LRRC4C: variants seen among roughly 807,000 people sequenced by gnomAD.
The protein encoded by LRRC4C is leucine rich repeat containing 4C.
LRRC4C carries 5 observed loss-of-function variants against 33.6 expected under a neutral mutation model. That is an observed-to-expected ratio of 0.15 (90% CI 0.08 to 0.31). The LOEUF is 0.31. Among genes scored for constraint, LRRC4C ranks in the 10% least tolerant of loss-of-function variants. The probability of loss-of-function intolerance (pLI) is 1.00; values close to 1 mark genes in which losing one functional copy is unlikely to be tolerated. For missense variants in LRRC4C, 560 were observed against 796.7 expected (o/e 0.70, Z 3.58); for synonymous variants, 329 against 302.0 (o/e 1.09, Z -0.93).
At chr11:40,740,419 T>C (rs754408227) in intron 2 of LRRC4C, among the ~76,000 whole-genome samples, 26 of 152,062 alleles carry the variant, frequency 1.7e-4, no homozygotes, top group Non-Finnish European at 3.4e-4. Context: ...GAATTTTTAA[T>C]ATGTCTGCTG....
intron 2 of LRRC4C, among the ~76,000 whole-genome samples, chr11:40,867,721 T>C (rs1490468891): frequency 6.6e-6 from 1 of 152,176 alleles, no homozygotes; most frequent in South Asian, 2.1e-4. Context: ...AAGACGGAAA[T>C]GACAACAGCT....
chr11:40,846,868 C>T (rs1953203985), intron 2 of LRRC4C, among the ~76,000 whole-genome samples: 2 of 151,872 alleles, frequency 1.3e-5, no homozygotes, highest in South Asian at 4.2e-4. Context: ...TGAAGAGGCC[C>T]TTCACATCTC....
At chr11:40,118,715 G>A (rs980307270) in intron 6 of LRRC4C, among the ~76,000 whole-genome samples, 1 of 152,218 alleles carries the variant, frequency 6.6e-6, no homozygotes, top group Admixed American at 6.5e-5. Context: ...AGAATGGAAG[G>A]CCTGAGGACG....
intron 3 of LRRC4C, among the ~76,000 whole-genome samples, chr11:40,428,471 G>A (rs376954603): frequency 6.6e-6 from 1 of 152,106 alleles, no homozygotes; most frequent in African/African-American, 2.4e-5. Context: ...AATAACTTAC[G>A]AGTGATGGTA....
At chr11:40,393,353 A>C (rs1327182534) in intron 3 of LRRC4C, among the ~76,000 whole-genome samples, 1 of 152,174 alleles carries the variant, frequency 6.6e-6, no homozygotes, top group Admixed American at 6.6e-5. Flanking sequence ...TTTTGCTTTA[A>C]AATATCCAGG....
At chr11:40,503,837 T>C (rs1954900873) in intron 3 of LRRC4C, among the ~76,000 whole-genome samples, 1 of 152,214 alleles carries the variant, frequency 6.6e-6, no homozygotes, top group Non-Finnish European at 1.5e-5. Context: ...GATATACAAA[T>C]GTTGGCTTTT....
At chr11:41,357,563 G>A (rs546644507) in intron 1 of LRRC4C, among the ~76,000 whole-genome samples, 2 of 152,062 alleles carry the variant, frequency 1.3e-5, no homozygotes, top group South Asian at 2.1e-4. Flanking sequence ...GACTGGATTT[G>A]CGTATTTTCT....
At chr11:40,887,208 TAAA>T (rs34582420) in intron 2 of LRRC4C, among the ~76,000 whole-genome samples, 2 of 150,620 alleles carry the variant, frequency 1.3e-5, no homozygotes. Context: ...CTAATACACA[TAAA>T]AAAAAGATTT....
At chr11:40,888,420 T>C (rs1419319097) in intron 2 of LRRC4C, among the ~76,000 whole-genome samples, 1 of 151,986 alleles carries the variant, frequency 6.6e-6, no homozygotes, top group African/African-American at 2.4e-5. Context: ...CTATTGCATG[T>C]ATATGTTCGA....
intron 1 of LRRC4C, among the ~76,000 whole-genome samples, chr11:41,157,371 C>T (rs2136001696): frequency 6.6e-6 from 1 of 152,146 alleles, no homozygotes; most frequent in Admixed American, 6.5e-5. Context: ...AAGACCACAT[C>T]ACAAAGGTTG....
chr11:41,085,058 A>G (rs961988911), intron 1 of LRRC4C, among the ~76,000 whole-genome samples: 1 of 152,230 alleles, frequency 6.6e-6, no homozygotes, highest in Non-Finnish European at 1.5e-5. Context: ...ATTTGCATGT[A>G]TAACTCCTCA....
intron 3 of LRRC4C, among the ~76,000 whole-genome samples, chr11:40,514,163 G>A (rs745353613): frequency 3.3e-5 from 5 of 152,150 alleles, no homozygotes; most frequent in Non-Finnish European, 7.4e-5. Context: ...TCAAACCCTT[G>A]TTTGGTTGGG....
At chr11:40,741,717 G>T (rs1948163732) in intron 2 of LRRC4C, among the ~76,000 whole-genome samples, 1 of 151,930 alleles carries the variant, frequency 6.6e-6, no homozygotes, top group African/African-American at 2.4e-5. Context: ...TCTTAGTAAA[G>T]ATTTTTCAAT....
chr11:41,093,068 C>A (rs1940545645), intron 1 of LRRC4C, among the ~76,000 whole-genome samples: 1 of 151,986 alleles, frequency 6.6e-6, no homozygotes, highest in Admixed American at 6.6e-5. Context: ...ATATACACAC[C>A]CATAGAGTAA....
At chr11:40,255,071 G>T (rs1261589478) in intron 4 of LRRC4C, among the ~76,000 whole-genome samples, 1 of 152,054 alleles carries the variant, frequency 6.6e-6, no homozygotes, top group Non-Finnish European at 1.5e-5. Context: ...AAAGCTCTGG[G>T]ATTACAAGCG....
chr11:40,785,480 T>C (rs1410769222), intron 2 of LRRC4C, among the ~76,000 whole-genome samples: 4 of 152,182 alleles, frequency 2.6e-5, no homozygotes, highest in Non-Finnish European at 4.4e-5. Context: ...TGGTTATAGT[T>C]TACTAGAGAA....
chr11:41,157,594 A>G (rs1188355914), intron 1 of LRRC4C, among the ~76,000 whole-genome samples: 2 of 152,170 alleles, frequency 1.3e-5, no homozygotes, highest in Non-Finnish European at 2.9e-5. Context: ...GAAAGTCCAC[A>G]TACCTTGCAA....
At chr11:41,056,029 A>C (rs1272497878) in intron 1 of LRRC4C, among the ~76,000 whole-genome samples, 1 of 152,220 alleles carries the variant, frequency 6.6e-6, no homozygotes, top group Non-Finnish European at 1.5e-5. Context: ...TTACATGTAC[A>C]CAAGATCATG....
At chr11:40,700,220 T>C (rs1314762062) in intron 2 of LRRC4C, among the ~76,000 whole-genome samples, 1 of 152,188 alleles carries the variant, frequency 6.6e-6, no homozygotes, top group East Asian at 1.9e-4. Context: ...TTTCCTGTCA[T>C]GTTATTTTGT....
Sources: allele counts gnomAD v4.1 joint callset (sites outside exome capture counted in the v4.1 genomes callset), GRCh38; gene constraint gnomAD v4.1.1; transcripts MANE v1.5; gene names NCBI Gene and HGNC (gene_info 2026-07-23, HGNC 2026-07-21).